Variants in SIPA1L1 observed in about 807,000 individuals in gnomAD.
SIPA1L1 encodes signal-induced proliferation-associated 1-like protein 1.
Under a neutral mutation model 162.7 loss-of-function variants are expected in SIPA1L1, and 26 were observed. That is an observed-to-expected ratio of 0.16 (90% CI 0.12 to 0.22). The LOEUF is 0.22. SIPA1L1 is among the 10% of genes least tolerant of loss of function. The pLI, the probability that SIPA1L1 is intolerant of heterozygous loss-of-function variation, is 1.00. For synonymous variants in SIPA1L1, 829 were observed against 837.4 expected (o/e 0.99, Z 0.17); for missense variants, 1,874 against 2,241.0 (o/e 0.84, Z 3.31).
At chr14:71,464,711 C>T (rs754677035) in intron 2 of SIPA1L1, among the ~76,000 whole-genome samples, 14 of 152,244 alleles carry the variant, frequency 9.2e-5, no homozygotes, top group East Asian at 7.7e-4. Context: ...TCATTAAATT[C>T]GGCTTGATCC....
intron 4 of SIPA1L1, among the ~76,000 whole-genome samples, chr14:71,565,877 A>G (rs553684004): frequency 1.0e-3 from 159 of 152,238 alleles, no homozygotes; most frequent in African/African-American, 3.7e-3. Flanking sequence ...ATTCCTCTGA[A>G]GTCCTTGTGC....
intron 2 of SIPA1L1, among the ~76,000 whole-genome samples, chr14:71,419,381 A>G (rs2043014707): frequency 6.7e-6 from 1 of 149,776 alleles, no homozygotes; most frequent in Admixed American, 6.7e-5. Context: ...TTGTGTAGGG[A>G]CTTTCAGGGC....
At chr14:71,486,530 G>A (rs147541605) in intron 2 of SIPA1L1, among the ~76,000 whole-genome samples, 251 of 152,314 alleles carry the variant, frequency 1.6e-3, no homozygotes, top group African/African-American at 5.7e-3. Context: ...GTTTAAATGG[G>A]CACTTTGCCA....
intron 3 of SIPA1L1, among the ~76,000 whole-genome samples, chr14:71,518,145 T>C (rs1427613757): frequency 1.3e-5 from 2 of 151,818 alleles, no homozygotes; most frequent in Non-Finnish European, 2.9e-5. Flanking sequence ...TTAGCCAGGT[T>C]TGATGGCTCA....
intron 13 of SIPA1L1, among the ~76,000 whole-genome samples, chr14:71,693,104 T>A (rs1448455948): frequency 7.2e-5 from 11 of 152,300 alleles, no homozygotes; most frequent in South Asian, 4.1e-4. Flanking sequence ...AATTTTTTTT[T>A]AATTTTGCGC....
At chr14:71,708,399 A>G (rs2082633960) in intron 16 of SIPA1L1, among the ~76,000 whole-genome samples, 1 of 150,460 alleles carries the variant, frequency 6.6e-6, no homozygotes, top group Non-Finnish European at 1.5e-5. Flanking sequence ...ATCTCGGCTC[A>G]CTGTAGCCTC....
chr14:71,669,335 G>A (rs1165971591), intron 10 of SIPA1L1, among the ~76,000 whole-genome samples: 1 of 152,146 alleles, frequency 6.6e-6, no homozygotes, highest in Non-Finnish European at 1.5e-5. Flanking sequence ...AGTTTAAGGG[G>A]CAAGTAGATG....
At chr14:71,344,755 G>A (rs989207765) in intron 2 of SIPA1L1, among the ~76,000 whole-genome samples, 2 of 152,110 alleles carry the variant, frequency 1.3e-5, no homozygotes, top group African/African-American at 2.4e-5. Context: ...AGAGACGGAC[G>A]GGGTTTTGCC....
At chr14:71,440,274 G>T (rs1439725568) in intron 2 of SIPA1L1, among the ~76,000 whole-genome samples, 1 of 152,032 alleles carries the variant, frequency 6.6e-6, no homozygotes, top group Non-Finnish European at 1.5e-5. Flanking sequence ...CAGTCTGCCT[G>T]TCTCCACCTC....
intron 4 of SIPA1L1, among the ~76,000 whole-genome samples, chr14:71,535,698 G>GTT (rs2053834439): frequency 6.6e-6 from 1 of 151,592 alleles, no homozygotes; most frequent in East Asian, 1.9e-4. Context: ...TGCAACCTCT[G>GTT]CCTCCCAGGT....
At chr14:71,618,287 C>T (rs1441878605) in intron 5 of SIPA1L1, among the ~76,000 whole-genome samples, 2 of 152,188 alleles carry the variant, frequency 1.3e-5, no homozygotes, top group Non-Finnish European at 2.9e-5. Flanking sequence ...CCCAGAGACT[C>T]GCAGCACACA....
At chr14:71,396,243 C>G (rs2141435840) in intron 2 of SIPA1L1, among the ~76,000 whole-genome samples, 1 of 152,228 alleles carries the variant, frequency 6.6e-6, no homozygotes, top group East Asian at 1.9e-4. Flanking sequence ...ATGCTGGTTA[C>G]CAAGCCTTCT....
intron 2 of SIPA1L1, among the ~76,000 whole-genome samples, chr14:71,456,802 A>G (rs1259417202): frequency 6.6e-6 from 1 of 152,206 alleles, no homozygotes; most frequent in Non-Finnish European, 1.5e-5. Flanking sequence ...TTTTCTTCCA[A>G]ACAACCTTTT....
At chr14:71,339,467 A>G (rs2035427591) in intron 2 of SIPA1L1, among the ~76,000 whole-genome samples, 1 of 150,592 alleles carries the variant, frequency 6.6e-6, no homozygotes, top group Admixed American at 6.6e-5. Flanking sequence ...GGTTCAAGTG[A>G]TTCTCCTGCC....
At chr14:71,429,699 G>A (rs1048589279) in intron 2 of SIPA1L1, among the ~76,000 whole-genome samples, 5 of 152,170 alleles carry the variant, frequency 3.3e-5, no homozygotes, top group Admixed American at 6.5e-5. Flanking sequence ...GCTTCCATCA[G>A]CAGAGGATAG....
intron 2 of SIPA1L1, among the ~76,000 whole-genome samples, chr14:71,411,336 A>C (rs1479226750): frequency 2.0e-5 from 3 of 152,222 alleles, no homozygotes; most frequent in Non-Finnish European, 4.4e-5. Flanking sequence ...CATATCGTGC[A>C]CTACAACTTC....
chr14:71,420,736 T>G (rs563439415), intron 2 of SIPA1L1, among the ~76,000 whole-genome samples: 7 of 142,252 alleles, frequency 4.9e-5, no homozygotes, highest in East Asian at 3.9e-4. Flanking sequence ...TGCTTTTGTG[T>G]TTTTTTTTGT....
rs559969822 is a variant in SIPA1L1 at position 71,705,732 on chromosome 14, T to C, written c.3765+392T>C. Reference sequence around the variant, plus strand: ...GCAGGACTGATGCTCCAACCATATCTTTGATTCTGCTGCAGTAAAGGAGGT... The same window carrying C: ...GCAGGACTGATGCTCCAACCATATCCTTGATTCTGCTGCAGTAAAGGAGGT... On this transcript the variant is annotated intron_variant, in intron 16 of 23. Coordinates refer to ENST00000381232, the MANE Select transcript of SIPA1L1 (RefSeq NM_001386936.1). 3.9e-5 allele frequency among the ~76,000 whole-genome samples: 6 copies of C among 152,058 alleles called. No individual in the cohort carries two copies. In the East Asian group the frequency reaches 1.2e-3, roughly 30 times the overall value.
At chr14:71,330,480 T>C in intron 2 of SIPA1L1, 1 of 1,606,128 alleles carries the variant, frequency 6.2e-7, no homozygotes. Flanking sequence ...CAGCTAGAAC[T>C]TGGTCCCCTT....
Sources: allele counts gnomAD v4.1 joint callset (sites outside exome capture counted in the v4.1 genomes callset), GRCh38; gene constraint gnomAD v4.1.1; transcripts MANE v1.5; gene names NCBI Gene and HGNC (gene_info 2026-07-23, HGNC 2026-07-21).